RALA: variants seen among roughly 807,000 people sequenced by gnomAD.
RALA encodes RAS like proto-oncogene A, also known as ras-related protein Ral-A.
Under a neutral mutation model 24.0 loss-of-function variants are expected in RALA, and 5 were observed. The ratio of observed to expected loss-of-function variants is 0.21; its 90% CI spans 0.11 to 0.44. The LOEUF is 0.44. RALA is among the 20% of genes least tolerant of loss of function. RALA has a pLI of 0.99. For missense variants in RALA, 95 were observed against 241.2 expected (o/e 0.39, Z 4.01); for synonymous variants, 77 against 83.8 (o/e 0.92, Z 0.44).
intron 1 of RALA, among the ~76,000 whole-genome samples, chr7:39,642,501 G>GTTGT (rs1347702485): frequency 1.3e-5 from 2 of 152,066 alleles, no homozygotes; most frequent in Non-Finnish European, 2.9e-5. Flanking sequence ...CTATCTCTCA[G>GTTGT]TTGTCTTCAT....
At chr7:39,700,946 T>G (rs887232260) in intron 4 of RALA, 2 of 152,254 alleles carry the variant, frequency 1.3e-5, no homozygotes, top group Admixed American at 6.5e-5. Context: ...TGTTTGTGGT[T>G]GTTTTCCTGA....
chr7:39,647,618 G>A (rs186086132), intron 1 of RALA, among the ~76,000 whole-genome samples: 325 of 152,228 alleles, frequency 2.1e-3, no homozygotes, highest in Non-Finnish European at 3.8e-3. Context: ...ATCCTAGACC[G>A]CAAGGTGATG....
chr7:39,627,448 A>G (rs2115904187), intron 1 of RALA, among the ~76,000 whole-genome samples: 1 of 152,338 alleles, frequency 6.6e-6, no homozygotes, highest in East Asian at 1.9e-4. Flanking sequence ...ACACTGACAT[A>G]CATAGTCTCC....
intron 1 of RALA, among the ~76,000 whole-genome samples, chr7:39,658,591 A>G (rs928182566): frequency 2.6e-5 from 4 of 152,236 alleles, no homozygotes; most frequent in East Asian, 1.9e-4. Flanking sequence ...TACAAAATAT[A>G]TATATACACA....
chr7:39,663,660 C>A (rs1381855318), intron 1 of RALA, among the ~76,000 whole-genome samples: 3 of 151,712 alleles, frequency 2.0e-5, no homozygotes, highest in Non-Finnish European at 4.4e-5. Context: ...ATATATGAAG[C>A]CTTCACTGCA....
At chr7:39,651,106 C>T (rs1402803514) in intron 1 of RALA, among the ~76,000 whole-genome samples, 1 of 152,192 alleles carries the variant, frequency 6.6e-6, no homozygotes, top group African/African-American at 2.4e-5. Context: ...TTATGTTTTT[C>T]ACTTTCAACC....
chr7:39,659,303 G>A lies in RALA; in HGVS notation c.-37-27328G>A, dbSNP rs1792146024. Among the ~76,000 whole-genome samples, 2 of 151,844 alleles carry A rather than the reference G, an allele frequency of 1.3e-5. 1 individual carries two copies. Among genetic ancestry groups the A allele is most frequent in the South Asian group, 4.1e-4 (2 of 4,820 alleles). On this transcript the variant is annotated intron_variant, in intron 1 of 4. Coordinates refer to ENST00000005257, the MANE Select transcript of RALA (RefSeq NM_005402.4). ...TGTCTCAAAAATAAAAAATAAATATGATCAAATCTTAAATTTAGATTTTTC... is the reference window on the plus strand; with the variant it reads ...TGTCTCAAAAATAAAAAATAAATATAATCAAATCTTAAATTTAGATTTTTC...
chr7:39,697,261 C>T (rs1792937508), intron 4 of RALA: 1 of 405,106 alleles, frequency 2.5e-6, no homozygotes, highest in African/African-American at 2.1e-5. Flanking sequence ...GGGTACCTCC[C>T]AAGATGAAGA....
chr7:39,635,825 G>A (rs1485543581), intron 1 of RALA, among the ~76,000 whole-genome samples: 1 of 152,152 alleles, frequency 6.6e-6, no homozygotes, highest in Non-Finnish European at 1.5e-5. Context: ...CTCACCCTCC[G>A]CTCACCTCCT....
rs181670622 is a variant in RALA at position 39,679,466 on chromosome 7, G to A, written c.-37-7165G>A. ...ACGTTATCCCAGTATAGCTTTATTT[G>A]TATTTATCTTATCAGTGAGGTCAAG... is the stretch of plus-strand genomic sequence containing the variant. On this transcript the variant is annotated intron_variant, in intron 1 of 4. Coordinates refer to ENST00000005257, the MANE Select transcript of RALA (RefSeq NM_005402.4). 3.7e-4 allele frequency among the ~76,000 whole-genome samples: 57 copies of A among 152,158 alleles called. 1 individual carries two copies. The highest frequency in any genetic ancestry group is 1.2e-3 in the South Asian group (6 of 4,826).
chr7:39,695,860 C>T (rs74586383), intron 3 of RALA, among the ~76,000 whole-genome samples: 9,419 of 152,238 alleles, frequency 0.062, 383 homozygotes, highest in Non-Finnish European at 0.087. Context: ...CTAAGTCTTA[C>T]AGATTTCCTT....
intron 1 of RALA, among the ~76,000 whole-genome samples, chr7:39,630,614 C>T (rs1791581902): frequency 6.6e-6 from 1 of 152,174 alleles, no homozygotes; most frequent in African/African-American, 2.4e-5. Context: ...GAGAAATTCA[C>T]ACATGCTTTC....
At chr7:39,659,824 C>T (rs1455626359) in intron 1 of RALA, among the ~76,000 whole-genome samples, 1 of 152,178 alleles carries the variant, frequency 6.6e-6, no homozygotes, top group African/African-American at 2.4e-5. Flanking sequence ...CTCTAATTTG[C>T]ATTCCTTAAA....
intron 1 of RALA, among the ~76,000 whole-genome samples, chr7:39,658,023 T>A (rs1439300905): frequency 1.3e-5 from 2 of 152,144 alleles, no homozygotes; most frequent in African/African-American, 4.8e-5. Context: ...GAGTTAAGAG[T>A]ATTAATAGCA....
rs1009931781 is a variant in RALA at position 39,694,990 on chromosome 7, T to C, written c.324-1695T>C. On this transcript the variant is annotated intron_variant, in intron 3 of 4. Coordinates refer to ENST00000005257, the MANE Select transcript of RALA (RefSeq NM_005402.4). ...AAGAGAATTGCTTGAGCCCAGGAGG[T>C]TGAGGCTGCAGTGAGCCGTGATCAT... 2.6e-5 allele frequency among the ~76,000 whole-genome samples: 4 copies of C among 151,652 alleles called. 1 individual carries two copies. The highest frequency in any genetic ancestry group is 2.0e-4 in the Admixed American group (3 of 15,200).
intron 1 of RALA, among the ~76,000 whole-genome samples, chr7:39,686,261 A>C (rs1310384569): frequency 6.6e-6 from 1 of 151,632 alleles, no homozygotes; most frequent in Non-Finnish European, 1.5e-5. Context: ...AATATAAATT[A>C]GTGTGAAAAC....
intron 4 of RALA, among the ~76,000 whole-genome samples, chr7:39,704,714 C>T (rs1420387873): frequency 6.6e-6 from 1 of 150,890 alleles, no homozygotes; most frequent in Admixed American, 6.6e-5. Flanking sequence ...CTTGCTCTGT[C>T]GCCCAGGCTG....
At chr7:39,680,095 C>T (rs1160997479) in intron 1 of RALA, among the ~76,000 whole-genome samples, 3 of 152,020 alleles carry the variant, frequency 2.0e-5, no homozygotes, top group Non-Finnish European at 2.9e-5. Flanking sequence ...ACAGGCTGGG[C>T]GCCGTGGCTC....
intron 1 of RALA, among the ~76,000 whole-genome samples, chr7:39,653,650 T>G (rs1026973179): frequency 1.3e-5 from 2 of 152,220 alleles, no homozygotes; most frequent in Non-Finnish European, 2.9e-5. Context: ...AAGTGTCACC[T>G]CAGCTCAGCA....
Sources: allele counts gnomAD v4.1 joint callset (sites outside exome capture counted in the v4.1 genomes callset), GRCh38; gene constraint gnomAD v4.1.1; transcripts MANE v1.5; gene names NCBI Gene and HGNC (gene_info 2026-07-23, HGNC 2026-07-21).